Variants in SP4 observed in about 807,000 individuals in gnomAD.
The protein encoded by SP4 is transcription factor Sp4.
In SP4, 19 loss-of-function variants were observed where a neutral mutation model predicts 72.8. The ratio of observed to expected loss-of-function variants is 0.26; its 90% CI spans 0.18 to 0.38. The LOEUF (loss-of-function observed/expected upper bound fraction) is 0.38. Ranked by LOEUF, SP4 falls within the 10% of genes least tolerant of loss-of-function variation. The probability of loss-of-function intolerance (pLI) is 1.00; values close to 1 mark genes in which losing one functional copy is unlikely to be tolerated. For synonymous variants in SP4, 395 were observed against 333.1 expected, an observed-to-expected ratio of 1.19 and a Z score of -2.02; for missense variants, 1,008 against 926.3, an observed-to-expected ratio of 1.09 and a Z score of -1.14.
Position 21,430,122 on chromosome 7 carries a change from C to G in SP4, c.957C>G (p.Ser319=), listed in dbSNP as rs372494206. 1.2e-6 allele frequency: 2 copies of G among 1,614,200 alleles called. No homozygotes were observed. Among genetic ancestry groups the G allele is most frequent in the Non-Finnish European group, 8.5e-7 (1 of 1,180,018 alleles). Residue 319 remains serine (S), a synonymous_variant, in exon 3 of 6, where the codon TCC becomes TCG. Transcript: ENST00000222584. ...TSASTMPESP[S]SSTTCTTTAS... ...CCAGTACTATGCCAGAATCTCCCTC[C>G]TCCTCCACTACCTGCACAACCACTG...
intron 3 of SP4, among the ~76,000 whole-genome samples, chr7:21,470,809 C>T (rs1784316515): frequency 6.6e-6 from 1 of 150,728 alleles, no homozygotes; most frequent in African/African-American, 2.4e-5. Flanking sequence ...CTTGGCTGCT[C>T]CAAGCAGCCT....
rs138406890 is a variant in SP4 at position 21,494,894 on chromosome 7, C to T, written c.2107+12771C>T. On this transcript the variant is annotated intron_variant, in intron 5 of 5. Transcript: ENST00000222584. ...GTTCCTGTAAAGCTACACTAATCAACACTGTGTAGTTTTGAAGGACACATG... is the reference window on the plus strand; with the variant it reads ...GTTCCTGTAAAGCTACACTAATCAATACTGTGTAGTTTTGAAGGACACATG... Among the ~76,000 whole-genome samples the T allele has an allele frequency of 2.0e-5, 3 of 152,248 alleles. No individual in the cohort carries two copies. In the East Asian group the frequency reaches 5.8e-4, roughly 29 times the overall value.
At chr7:21,491,320 GAGTC>G (rs1390785359) in intron 5 of SP4, among the ~76,000 whole-genome samples, 1 of 152,186 alleles carries the variant, frequency 6.6e-6, no homozygotes, top group Non-Finnish European at 1.5e-5. Flanking sequence ...ATAGAGGAAA[GAGTC>G]AGTGAGATTG....
chr7:21,492,208 G>C (rs1784997195), intron 5 of SP4, among the ~76,000 whole-genome samples: 1 of 152,278 alleles, frequency 6.6e-6, no homozygotes, highest in Admixed American at 6.5e-5. Context: ...TATAGAAGTT[G>C]TTATATATAT....
At chr7:21,507,732 C>T (rs949907059) in intron 5 of SP4, among the ~76,000 whole-genome samples, 1 of 152,150 alleles carries the variant, frequency 6.6e-6, no homozygotes, top group Non-Finnish European at 1.5e-5. Flanking sequence ...CCCTCTTTCC[C>T]TTGTCCCCTA....
At chr7:21,497,056 A>G (rs953485018) in intron 5 of SP4, among the ~76,000 whole-genome samples, 8 of 152,286 alleles carry the variant, frequency 5.3e-5, no homozygotes, top group African/African-American at 1.2e-4. Context: ...TGGTTAGTCT[A>G]TTGTTTGTCC....
chr7:21,461,846 T>A (rs1322931937), intron 3 of SP4, among the ~76,000 whole-genome samples: 1 of 152,160 alleles, frequency 6.6e-6, no homozygotes, highest in Non-Finnish European at 1.5e-5. Flanking sequence ...GGATAGACCT[T>A]TAAAGTTCTA....
intron 3 of SP4, among the ~76,000 whole-genome samples, chr7:21,464,349 G>C (rs991179641): frequency 3.3e-5 from 5 of 151,850 alleles, no homozygotes; most frequent in Non-Finnish European, 5.9e-5. Flanking sequence ...GCCCACCTCG[G>C]CCTCCCAAAG....
At position 21,511,224 on chromosome 7, in the gene SP4, G is replaced by T. The variant is rs200932303; in HGVS notation, c.2310G>T (p.Ser770=). The T allele has an allele frequency of 1.9e-6, 3 of 1,614,078 alleles. No homozygotes were observed. Among genetic ancestry groups the T allele is most frequent in the Non-Finnish European group, 2.5e-6 (3 of 1,179,978 alleles). The change falls in exon 6 of 6, where the codon TCG becomes TCT. Residue 770 remains serine, a synonymous_variant. Coordinates refer to ENST00000222584, the MANE Select transcript of SP4 (RefSeq NM_003112.5). ...CAGTTGCAGCCATTTCTCAAGATTC[G>T]AATCCAGCAACTCCCAATGTTTCAA... ...IVTVAAISQD[S]NPATPNVSTN... is the part of the protein sequence containing the mutation.
intron 5 of SP4, among the ~76,000 whole-genome samples, chr7:21,506,530 A>T (rs1782003856): frequency 6.6e-6 from 1 of 152,098 alleles, no homozygotes; most frequent in South Asian, 2.1e-4. Flanking sequence ...CTTGTCTCCT[A>T]AGTGGGGGAT....
chr7:21,449,844 A>G (rs1783537187), intron 3 of SP4, among the ~76,000 whole-genome samples: 1 of 151,840 alleles, frequency 6.6e-6, no homozygotes, highest in South Asian at 2.1e-4. Flanking sequence ...TATTGGGAAA[A>G]AAATTATAGG....
At chr7:21,466,724 A>C (rs531818471) in intron 3 of SP4, among the ~76,000 whole-genome samples, 46 of 152,212 alleles carry the variant, frequency 3.0e-4, no homozygotes, top group Admixed American at 2.6e-4. Context: ...AAAACATGTC[A>C]TTGAAGCTCT....
In SP4 at chr7:21,430,362, A is replaced by T. The variant is rs1479485880; in HGVS notation, c.1197A>T (p.Val399=). 1.9e-6 allele frequency: 3 copies of T among 1,614,210 alleles called. No homozygotes were observed. The highest frequency in any genetic ancestry group is 2.2e-5 in the East Asian group (1 of 44,886). ...ATTCTCTTCAGCAGGTGCAAATTGT[A>T]GGCCAACCTATCTTACAGCAGATCC... is the stretch of plus-strand genomic sequence containing the variant. ...QSNSLQQVQI[V]GQPILQQIQI... The change falls in exon 3 of 6, where the codon GTA becomes GTT. Residue 399 remains valine, a synonymous_variant. Coordinates refer to ENST00000222584, the MANE Select transcript of SP4 (RefSeq NM_003112.5).
At chr7:21,441,992 A>ATG (rs1223877821) in intron 3 of SP4, among the ~76,000 whole-genome samples, 192 of 107,766 alleles carry the variant, frequency 1.8e-3, no homozygotes, top group African/African-American at 6.5e-3. Context: ...ATTTCATTTT[A>ATG]TGTGTGTGTG....
At chr7:21,492,128 T>C (rs1208768132) in intron 5 of SP4, among the ~76,000 whole-genome samples, 2 of 152,152 alleles carry the variant, frequency 1.3e-5, no homozygotes, top group Non-Finnish European at 2.9e-5. Context: ...GTAATACATA[T>C]GGCCAATATA....
intron 2 of SP4, 118 bp downstream of exon 2, chr7:21,428,910 T>C: frequency 1.2e-6 from 1 of 821,446 alleles, no homozygotes; most frequent in South Asian, 1.9e-5. Flanking sequence ...AGCATCTTTC[T>C]GAGAGTGTGG....
At chr7:21,449,583 A>G (rs979503622) in intron 3 of SP4, among the ~76,000 whole-genome samples, 3 of 152,222 alleles carry the variant, frequency 2.0e-5, no homozygotes, top group Non-Finnish European at 2.9e-5. Context: ...GTGTGTGTAT[A>G]TATACATGCA....
intron 5 of SP4, among the ~76,000 whole-genome samples, chr7:21,486,804 AG>A (rs1784827217): frequency 6.6e-6 from 1 of 152,204 alleles, no homozygotes; most frequent in Non-Finnish European, 1.5e-5. Context: ...GTCGACATTC[AG>A]GGGGAAGAGA....
At chr7:21,447,083 T>C (rs1562592800) in intron 3 of SP4, among the ~76,000 whole-genome samples, 2 of 152,240 alleles carry the variant, frequency 1.3e-5, no homozygotes, top group African/African-American at 4.8e-5. Context: ...GATTGCCATC[T>C]GGGACCTCAT....
Sources: allele counts gnomAD v4.1 joint callset (sites outside exome capture counted in the v4.1 genomes callset), GRCh38; gene constraint gnomAD v4.1.1; transcripts MANE v1.5; gene names NCBI Gene and HGNC (gene_info 2026-07-23, HGNC 2026-07-21).